Variants in LRP1B observed in about 807,000 individuals in gnomAD.
LRP1B encodes the protein LDL receptor related protein 1B.
LRP1B carries 217 observed loss-of-function variants against 556.6 expected under a neutral mutation model. The observed-to-expected ratio is 0.39, with a 90% CI of 0.35 to 0.44. The LOEUF is 0.44. Ranked by LOEUF, LRP1B falls within the 20% of genes least tolerant of loss-of-function variation. LRP1B has a pLI of 1.00. For synonymous variants in LRP1B, 2,047 were observed against 1,865.8 expected, an observed-to-expected ratio of 1.10 and a Z score of -2.50; for missense variants, 5,053 against 5,620.8, an observed-to-expected ratio of 0.90 and a Z score of 3.23.
chr2:142,107,568 G>A (rs1333737130), intron 1 of LRP1B, among the ~76,000 whole-genome samples: 1 of 152,034 alleles, frequency 6.6e-6, no homozygotes, highest in Admixed American at 6.6e-5. Context: ...CATAAAATGG[G>A]CTAAGACAGT....
At chr2:141,677,867 G>A (rs1433497112) in intron 2 of LRP1B, among the ~76,000 whole-genome samples, 2 of 152,210 alleles carry the variant, frequency 1.3e-5, no homozygotes, top group Non-Finnish European at 2.9e-5. Flanking sequence ...CTTGGGGAAA[G>A]AAGCAGATAG....
At chr2:140,433,109 A>AT (rs1231705919) in intron 66 of LRP1B, among the ~76,000 whole-genome samples, 1 of 152,034 alleles carries the variant, frequency 6.6e-6, no homozygotes, top group Non-Finnish European at 1.5e-5. Flanking sequence ...ATACTTTTTT[A>AT]TTTTTTTGAG....
intron 32 of LRP1B, among the ~76,000 whole-genome samples, chr2:140,795,093 C>T (rs10928073): frequency 0.44 from 66,824 of 151,908 alleles, 16,494 homozygotes; most frequent in East Asian, 0.66. Flanking sequence ...AATTTCTTAG[C>T]GGTCCTCACC....
chr2:141,095,955 C>T (rs1365910098), intron 7 of LRP1B, among the ~76,000 whole-genome samples: 1 of 151,954 alleles, frequency 6.6e-6, no homozygotes, highest in African/African-American at 2.4e-5. Context: ...TTTACATTCC[C>T]CAAACTATTC....
intron 41 of LRP1B, among the ~76,000 whole-genome samples, chr2:140,628,851 G>A (rs1683775149): frequency 6.6e-6 from 1 of 151,976 alleles, no homozygotes; most frequent in South Asian, 2.1e-4. Flanking sequence ...CATGAGATCT[G>A]TTTGTTTGAA....
In LRP1B at chr2:141,136,557, C is replaced by T. The variant is rs376730816; in HGVS notation, c.1013+51864G>A. ...TATCTATCTAGTATAATTCATTATT[C>T]GAAACAATTTAATAAGTTTCTACTA... On this transcript the variant is annotated intron_variant, in intron 7 of 90. Coordinates refer to ENST00000389484, the MANE Select transcript of LRP1B (RefSeq NM_018557.3). Among the ~76,000 whole-genome samples, 12 of 145,692 alleles carry T rather than the reference C, an allele frequency of 8.2e-5. No individual in the cohort carries two copies. The South Asian group carries it at 1.1e-3, about 13-fold the overall frequency.
intron 43 of LRP1B, among the ~76,000 whole-genome samples, chr2:140,567,347 C>T (rs1681164403): frequency 6.6e-6 from 1 of 152,226 alleles, no homozygotes. Flanking sequence ...CCACTATCTG[C>T]TGACTTATTC....
intron 1 of LRP1B, among the ~76,000 whole-genome samples, chr2:142,071,868 C>G (rs1412160606): frequency 6.6e-6 from 1 of 151,920 alleles, no homozygotes; most frequent in Non-Finnish European, 1.5e-5. Context: ...GAGGATGGCT[C>G]AAGAGACTGT....
At chr2:140,774,319 G>A (rs1573699854) in intron 33 of LRP1B, among the ~76,000 whole-genome samples, 1 of 152,090 alleles carries the variant, frequency 6.6e-6, no homozygotes, top group East Asian at 1.9e-4. Flanking sequence ...CTTTCACAGA[G>A]CATAGAACAC....
chr2:141,013,960 C>CATTTATT (rs1697828348), intron 13 of LRP1B, among the ~76,000 whole-genome samples: 1 of 151,934 alleles, frequency 6.6e-6, no homozygotes, highest in Admixed American at 6.6e-5. Context: ...TTATCTAAAC[C>CATTTATT]ATTTATTATT....
chr2:140,896,056 G>A (rs997029589), intron 23 of LRP1B, among the ~76,000 whole-genome samples: 4 of 151,976 alleles, frequency 2.6e-5, no homozygotes, highest in Admixed American at 6.6e-5. Flanking sequence ...GGGACCTCAC[G>A]GGGAACCTAT....
chr2:140,379,428 G>A (rs1683375096), intron 67 of LRP1B, among the ~76,000 whole-genome samples: 1 of 152,144 alleles, frequency 6.6e-6, no homozygotes, highest in African/African-American at 2.4e-5. Context: ...AGGCACGGTG[G>A]CTCACGCCTG....
At chr2:142,090,536 A>G (rs1706126827) in intron 1 of LRP1B, among the ~76,000 whole-genome samples, 1 of 152,132 alleles carries the variant, frequency 6.6e-6, no homozygotes, top group Non-Finnish European at 1.5e-5. Flanking sequence ...AATATTCAAG[A>G]CTTCAATTTA....
chr2:140,584,348 T>A (rs1017118092), intron 43 of LRP1B, among the ~76,000 whole-genome samples: 3 of 151,420 alleles, frequency 2.0e-5, no homozygotes, highest in African/African-American at 7.3e-5. Context: ...TCTCCCTCTG[T>A]TCAGTTTGTA....
At chr2:142,073,419 A>G (rs779305271) in intron 1 of LRP1B, among the ~76,000 whole-genome samples, 11 of 152,078 alleles carry the variant, frequency 7.2e-5, no homozygotes, top group Non-Finnish European at 1.6e-4. Flanking sequence ...ATAAAATTAC[A>G]TCATTAATTG....
chr2:141,528,252 T>A (rs1684757079), intron 2 of LRP1B, among the ~76,000 whole-genome samples: 1 of 151,914 alleles, frequency 6.6e-6, no homozygotes, highest in African/African-American at 2.4e-5. Flanking sequence ...ACGGGTTAAG[T>A]ATATCTTATA....
chr2:141,277,874 T>C (rs1685363570), intron 3 of LRP1B, among the ~76,000 whole-genome samples: 1 of 152,134 alleles, frequency 6.6e-6, no homozygotes, highest in East Asian at 1.9e-4. Context: ...AGATTATATG[T>C]ATTTGCACAT....
chr2:141,414,246 A>T (rs868379261), intron 3 of LRP1B, among the ~76,000 whole-genome samples: 1 of 147,808 alleles, frequency 6.8e-6, no homozygotes, highest in African/African-American at 2.6e-5. Flanking sequence ...TCAAAAAAAA[A>T]AAAAAAAGAA....
intron 20 of LRP1B, among the ~76,000 whole-genome samples, chr2:140,935,056 C>T (rs1406276306): frequency 6.6e-6 from 1 of 152,066 alleles, no homozygotes; most frequent in East Asian, 1.9e-4. Flanking sequence ...AATCTGATTT[C>T]CAGAGTTATC....
Sources: gnomAD v4.1 joint callset for allele counts (sites outside exome capture counted in the v4.1 genomes callset) on GRCh38, gnomAD v4.1.1 for gene constraint, MANE v1.5 for transcripts, NCBI Gene and HGNC (gene_info 2026-07-23, HGNC 2026-07-21) for gene names.